TAB2: variants seen among roughly 807,000 people sequenced by gnomAD.
The protein encoded by TAB2 is TGF-beta-activated kinase 1 and MAP3K7-binding protein 2.
Under a neutral mutation model 65.0 loss-of-function variants are expected in TAB2, and 3 were observed. The observed-to-expected ratio is 0.05, with a 90% CI of 0.02 to 0.12. TAB2 has a LOEUF of 0.12. Among genes scored for constraint, TAB2 ranks in the 10% least tolerant of loss-of-function variants. The probability of loss-of-function intolerance (pLI) is 1.00; values close to 1 mark genes in which losing one functional copy is unlikely to be tolerated. For synonymous variants in TAB2, 298 were observed against 285.1 expected, an observed-to-expected ratio of 1.05 and a Z score of -0.46; for missense variants, 623 against 840.3, an observed-to-expected ratio of 0.74 and a Z score of 3.20.
chr6:149,253,992 A>AAG (rs1777929231), intron 1 of TAB2, among the ~76,000 whole-genome samples: 1 of 149,186 alleles, frequency 6.7e-6, no homozygotes, highest in Non-Finnish European at 1.5e-5. Flanking sequence ...GAAAGAAAGA[A>AAG]AGAAAGAAAG....
At chr6:149,254,065 GGAAGGAAGGAAGGA>G (rs1777943517) in intron 1 of TAB2, among the ~76,000 whole-genome samples, 12 of 70,884 alleles carry the variant, frequency 1.7e-4, no homozygotes, top group African/African-American at 5.8e-4. Context: ...GAGGGAGGAA[GGAAGGAAGGAAGGA>G]AGGAAGGAAG....
intron 1 of TAB2, among the ~76,000 whole-genome samples, chr6:149,290,594 A>G (rs2114694149): frequency 6.6e-6 from 1 of 152,318 alleles, no homozygotes; most frequent in East Asian, 1.9e-4. Flanking sequence ...CTGTAATACC[A>G]GCACTCTGGG....
At chr6:149,383,606 A>C (rs770549109) in intron 3 of TAB2, among the ~76,000 whole-genome samples, 2 of 151,942 alleles carry the variant, frequency 1.3e-5, no homozygotes, top group Non-Finnish European at 1.5e-5. Flanking sequence ...TTTTTCTGAG[A>C]TAGAGTCTCA....
At chr6:149,244,788 G>A (rs1777674941) in intron 1 of TAB2, 1 of 152,144 alleles carries the variant, frequency 6.6e-6, no homozygotes, top group Admixed American at 6.6e-5. Flanking sequence ...GGAGGCTGAG[G>A]CAGGAGAATC....
intron 1 of TAB2, among the ~76,000 whole-genome samples, chr6:149,269,000 C>G (rs1778314353): frequency 6.6e-6 from 1 of 152,202 alleles, no homozygotes; most frequent in Non-Finnish European, 1.5e-5. Flanking sequence ...GGGGCTCCTG[C>G]TGTGGAACCT....
intron 1 of TAB2, among the ~76,000 whole-genome samples, chr6:149,259,795 A>G (rs1250704748): frequency 1.3e-5 from 2 of 152,194 alleles, no homozygotes; most frequent in Non-Finnish European, 2.9e-5. Context: ...GACATGATAC[A>G]AGTGGCCCAA....
intron 1 of TAB2, chr6:149,346,448 C>CTT (rs11399281): frequency 0.019 from 2,119 of 113,276 alleles, 75 homozygotes; most frequent in African/African-American, 0.051. Flanking sequence ...GTTGGTGAAA[C>CTT]TTTTTTTTTT....
At chr6:149,396,503 T>G (rs1371170898) in intron 3 of TAB2, among the ~76,000 whole-genome samples, 2 of 152,246 alleles carry the variant, frequency 1.3e-5, no homozygotes, top group African/African-American at 4.8e-5. Context: ...TTCTAGAGGT[T>G]GTTTAAAGTT....
At position 149,378,133 on chromosome 6, in the gene TAB2, A is replaced by G; in HGVS notation, c.218A>G (p.Asn73Ser). Residue 73 changes from asparagine (N) to serine (S), a missense_variant, in exon 3 of 7, where the codon AAT becomes AGT. This residue lies in a region of TAB2 where 550 missense variants were observed against 665.7 expected (regional missense o/e 0.83). Coordinates refer to ENST00000637181, the MANE Select transcript of TAB2 (RefSeq NM_001292034.3). ...SDDSGISGLR[N>S]HMTSLNLDLQ... is the part of the protein sequence containing the mutation. ...GATTCTGGAATTTCTGGTCTACGCA[A>G]TCACATGACTTCTCTCAACTTGGAC... 1 of 1,614,226 alleles carries G rather than the reference A, an allele frequency of 6.2e-7. No individual in the cohort carries two copies. Among genetic ancestry groups the G allele is most frequent in the Non-Finnish European group, 8.5e-7 (1 of 1,180,036 alleles).
At chr6:149,334,676 TAA>T (rs944087167) in intron 1 of TAB2, among the ~76,000 whole-genome samples, 19 of 138,240 alleles carry the variant, frequency 1.4e-4, no homozygotes, top group South Asian at 2.3e-4. Context: ...CCTTGTCTCT[TAA>T]AAAAAAAAAA....
chr6:149,236,555 G>A (rs1375471265), intron 1 of TAB2, among the ~76,000 whole-genome samples: 1 of 152,146 alleles, frequency 6.6e-6, no homozygotes, highest in Non-Finnish European at 1.5e-5. Context: ...TTGGTGAAAT[G>A]GCCCAGAAAA....
intron 1 of TAB2, among the ~76,000 whole-genome samples, chr6:149,266,356 CT>C (rs1302150463): frequency 3.3e-5 from 5 of 152,186 alleles, no homozygotes; most frequent in African/African-American, 1.2e-4. Flanking sequence ...TTCTGGTCCA[CT>C]TGGCAGACTG....
chr6:149,338,361 A>G (rs1037350362), intron 1 of TAB2, among the ~76,000 whole-genome samples: 3 of 152,204 alleles, frequency 2.0e-5, no homozygotes, highest in Admixed American at 6.5e-5. Context: ...TATTGACTGT[A>G]ATAACCATTG....
intron 1 of TAB2, among the ~76,000 whole-genome samples, chr6:149,285,681 C>A (rs55687017): frequency 6.6e-6 from 1 of 152,100 alleles, no homozygotes; most frequent in Non-Finnish European, 1.5e-5. Context: ...GAGAGAAAAA[C>A]CCCTTCTATA....
At chr6:149,335,233 A>G (rs1352510064) in intron 1 of TAB2, among the ~76,000 whole-genome samples, 2 of 151,972 alleles carry the variant, frequency 1.3e-5, no homozygotes, top group African/African-American at 4.8e-5. Context: ...AATAATATCT[A>G]CTACCATCAT....
intron 1 of TAB2, among the ~76,000 whole-genome samples, chr6:149,366,968 A>G (rs1417219520): frequency 6.7e-6 from 1 of 148,224 alleles, no homozygotes; most frequent in Non-Finnish European, 1.5e-5. Flanking sequence ...TTTTTTTTTC[A>G]AATCTAGATC....
intron 1 of TAB2, among the ~76,000 whole-genome samples, chr6:149,276,789 A>G (rs567561487): frequency 6.6e-6 from 1 of 152,216 alleles, no homozygotes; most frequent in African/African-American, 2.4e-5. Flanking sequence ...TCTTTTATTC[A>G]ACAATTCCAT....
chr6:149,226,704 A>G (rs142658859), intron 1 of TAB2, among the ~76,000 whole-genome samples: 25 of 152,334 alleles, frequency 1.6e-4, no homozygotes, highest in Non-Finnish European at 3.2e-4. Context: ...CGTTTTTGTA[A>G]GATACTAGGT....
At chr6:149,289,256 A>G (rs1255188582) in intron 1 of TAB2, among the ~76,000 whole-genome samples, 2 of 152,112 alleles carry the variant, frequency 1.3e-5, no homozygotes, top group South Asian at 2.1e-4. Flanking sequence ...GGCAGAGTGC[A>G]GTGGCTCATG....
Sources: gnomAD v4.1 joint callset for allele counts (sites outside exome capture counted in the v4.1 genomes callset) on GRCh38, gnomAD v4.1.1 for gene constraint, gnomAD v4.1.1 regional missense constraint, MANE v1.5 for transcripts, NCBI Gene and HGNC (gene_info 2026-07-23, HGNC 2026-07-21) for gene names.